Variants in COL22A1 observed in about 807,000 individuals in gnomAD.
The protein encoded by COL22A1 is collagen alpha-1(XXII) chain.
COL22A1 carries 221 observed loss-of-function variants against 248.9 expected under a neutral mutation model. The observed-to-expected ratio is 0.89, with a 90% CI of 0.80 to 0.99. The LOEUF (loss-of-function observed/expected upper bound fraction) is 0.99. COL22A1 is among the 50% of genes least tolerant of loss of function. The pLI, the probability that COL22A1 is intolerant of heterozygous loss-of-function variation, is 0.00. For synonymous variants in COL22A1, 891 were observed against 793.4 expected, an observed-to-expected ratio of 1.12 and a Z score of -2.07; for missense variants, 2,240 against 2,179.0, an observed-to-expected ratio of 1.03 and a Z score of -0.56.
intron 32 of COL22A1, among the ~76,000 whole-genome samples, chr8:138,697,873 C>G (rs1433641385): frequency 6.6e-6 from 1 of 152,228 alleles, no homozygotes; most frequent in East Asian, 1.9e-4. Flanking sequence ...GAGACTCAGG[C>G]AATTGCCCAC....
At chr8:138,910,530 G>A (rs996396027) in intron 1 of COL22A1, among the ~76,000 whole-genome samples, 1 of 152,086 alleles carries the variant, frequency 6.6e-6, no homozygotes, top group South Asian at 2.1e-4. Flanking sequence ...TGTGAAATGG[G>A]ATAATGGCAC....
intron 10 of COL22A1, among the ~76,000 whole-genome samples, chr8:138,805,845 TA>T (rs1169436169): frequency 0.018 from 2,472 of 138,748 alleles, 43 homozygotes; most frequent in African/African-American, 0.061. Context: ...GGTGTGTGTG[TA>T]TGTGTGATGG....
At chr8:138,818,547 G>A (rs372172667) in intron 7 of COL22A1, among the ~76,000 whole-genome samples, 31 of 152,240 alleles carry the variant, frequency 2.0e-4, no homozygotes, top group African/African-American at 7.0e-4. Flanking sequence ...CCTGGAAGAC[G>A]GGCTGCGTGA....
chr8:138,780,547 T>C (rs966904982), intron 13 of COL22A1, among the ~76,000 whole-genome samples: 2 of 152,038 alleles, frequency 1.3e-5, no homozygotes, highest in Non-Finnish European at 2.9e-5. Context: ...GCTTGCCACA[T>C]AGGGTGTGGG....
At chr8:138,785,477 G>A (rs763043134) in intron 12 of COL22A1, among the ~76,000 whole-genome samples, 4 of 152,212 alleles carry the variant, frequency 2.6e-5, no homozygotes, top group Non-Finnish European at 5.9e-5. Context: ...GAGGGCATGC[G>A]CTAGATAGTG....
At chr8:138,672,469 G>C (rs2130778597) in intron 41 of COL22A1, among the ~76,000 whole-genome samples, 1 of 152,280 alleles carries the variant, frequency 6.6e-6, no homozygotes, top group African/African-American at 2.4e-5. Context: ...TGAGATATTT[G>C]TTTGCACATA....
At chr8:138,619,295 G>T (rs572824205) in intron 53 of COL22A1, among the ~76,000 whole-genome samples, 160 bp downstream of exon 53, 1 of 152,332 alleles carries the variant, frequency 6.6e-6, no homozygotes, top group African/African-American at 2.4e-5. Context: ...TATGTAGTGT[G>T]GCAAAGCTGA....
At chr8:138,771,442 G>C (rs1161820444) in intron 16 of COL22A1, among the ~76,000 whole-genome samples, 1 of 152,130 alleles carries the variant, frequency 6.6e-6, no homozygotes, top group Non-Finnish European at 1.5e-5. Flanking sequence ...AGTTTCCCCC[G>C]CTTCACAATC....
intron 14 of COL22A1, among the ~76,000 whole-genome samples, chr8:138,779,212 A>C (rs369298662): frequency 1.3e-5 from 2 of 152,248 alleles, no homozygotes; most frequent in African/African-American, 4.8e-5. Flanking sequence ...GATTGGGTAC[A>C]TCCAATACAT....
chr8:138,745,426 T>C (rs1196094175), intron 22 of COL22A1, among the ~76,000 whole-genome samples: 2 of 152,228 alleles, frequency 1.3e-5, no homozygotes, highest in Admixed American at 1.3e-4. Flanking sequence ...ATTAATGTCA[T>C]TACCTATTTA....
In COL22A1 at chr8:138,653,833, C is replaced by T. The variant is rs1434214460; in HGVS notation, c.3333+2064G>A. Among the ~76,000 whole-genome samples, 3 of 152,144 alleles carry T rather than the reference C, an allele frequency of 2.0e-5. No homozygotes were observed. The East Asian group carries it at 5.8e-4, about 29-fold the overall frequency. ...ACATCGAGATGACAGCCAGTGACTG[C>T]ACAAAACAGGAAGATGAACATAGTC... On this transcript the variant is annotated intron_variant, in intron 45 of 64. Coordinates refer to ENST00000303045, the MANE Select transcript of COL22A1 (RefSeq NM_152888.3).
chr8:138,900,066 C>T (rs1463332532), intron 1 of COL22A1, among the ~76,000 whole-genome samples: 2 of 152,120 alleles, frequency 1.3e-5, no homozygotes, highest in African/African-American at 4.8e-5. Context: ...GCTAGCAAAA[C>T]ATTTATTACA....
intron 16 of COL22A1, among the ~76,000 whole-genome samples, chr8:138,769,716 C>T (rs999986792): frequency 2.0e-5 from 3 of 152,200 alleles, no homozygotes; most frequent in African/African-American, 7.2e-5. Context: ...GCACCCAGCA[C>T]ACAGCGGGTA....
At chr8:138,679,827 C>A in intron 39 of COL22A1, 151 bp from the exon 40 acceptor site, 1 of 706,964 alleles carries the variant, frequency 1.4e-6, no homozygotes, top group Non-Finnish European at 2.5e-6. Flanking sequence ...CAGCTAATAA[C>A]CATTTCCTGG....
Position 138,798,696 on chromosome 8 carries a change from A to AT in COL22A1, c.1558-1840dup, listed in dbSNP as rs138381269. ...TGCCTTCTAGCCTCAATCATTTCTG[A>AT]TGACAAGTCAGTTGTTAATTTTATT... On this transcript the variant is annotated intron_variant, in intron 11 of 64. Transcript: ENST00000303045. Among the ~76,000 whole-genome samples, 216 of 152,262 alleles carry AT rather than the reference A, an allele frequency of 1.4e-3. 3 individuals carry two copies. In the East Asian group the frequency reaches 0.033, roughly 24 times the overall value.
intron 58 of COL22A1, 143 bp from the exon 59 acceptor site, chr8:138,604,912 A>T (rs777485849): frequency 1.3e-6 from 1 of 797,486 alleles, no homozygotes; most frequent in African/African-American, 1.7e-5. Context: ...AGGACATCCC[A>T]GACAGGCTCT....
chr8:138,778,311 A>G, intron 15 of COL22A1, 42 bp downstream of exon 15: 1 of 1,609,998 alleles, frequency 6.2e-7, no homozygotes, highest in Non-Finnish European at 8.5e-7. Context: ...TGATTCCTGG[A>G]GAAGGGGTAG....
chr8:138,870,996 G>A (rs1204692608), intron 3 of COL22A1, among the ~76,000 whole-genome samples: 2 of 152,014 alleles, frequency 1.3e-5, no homozygotes, highest in African/African-American at 4.8e-5. Flanking sequence ...AGGCCAGGCA[G>A]AGGGATGTGG....
intron 36 of COL22A1, among the ~76,000 whole-genome samples, chr8:138,690,512 G>C (rs1171550626): frequency 6.6e-6 from 1 of 152,178 alleles, no homozygotes; most frequent in Non-Finnish European, 1.5e-5. Context: ...GGGGACCTTT[G>C]ACTTCTTTAG....
Sources: allele counts gnomAD v4.1 joint callset (sites outside exome capture counted in the v4.1 genomes callset), GRCh38; gene constraint gnomAD v4.1.1; transcripts MANE v1.5; gene names NCBI Gene and HGNC (gene_info 2026-07-23, HGNC 2026-07-21).